OOEP: variants seen among roughly 807,000 people sequenced by gnomAD.
OOEP encodes oocyte-expressed protein homolog.
In OOEP, 16 loss-of-function variants were observed where a neutral mutation model predicts 13.7. The observed-to-expected ratio is 1.16, with a 90% CI of 0.79 to 1.77. The LOEUF (loss-of-function observed/expected upper bound fraction) is 1.77. Ranked by LOEUF, OOEP falls within the 40% of genes most tolerant of loss-of-function variation. The pLI, the probability that OOEP is intolerant of heterozygous loss-of-function variation, is 0.00. For synonymous variants in OOEP, 89 were observed against 77.1 expected (o/e 1.15, Z -0.81); for missense variants, 195 against 193.1 (o/e 1.01, Z -0.06).
At chr6:73,394,582 G>A in intron 1 of OOEP, 1 of 393,366 alleles carries the variant, frequency 2.5e-6, no homozygotes, top group Non-Finnish European at 4.7e-6. Flanking sequence ...TTGGGCGTTT[G>A]GAAAAAGTCC....
intron 2 of OOEP, among the ~76,000 whole-genome samples, chr6:73,378,884 A>G (rs1008974737): frequency 6.6e-6 from 1 of 151,952 alleles, no homozygotes; most frequent in African/African-American, 2.4e-5. Flanking sequence ...AAAAAAAAAA[A>G]TTATTGATTA....
chr6:73,373,039 G>T, upstream of OOEP: 3 of 1,270,558 alleles, frequency 2.4e-6, no homozygotes, highest in Non-Finnish European at 3.4e-6. Flanking sequence ...GACATTTTCA[G>T]CTTGATATGG....
upstream of OOEP, chr6:73,373,243 G>T (rs1185784068): frequency 1.2e-6 from 2 of 1,612,532 alleles, no homozygotes; most frequent in South Asian, 2.2e-5. Context: ...GCTTAATCCT[G>T]AAAGTCTTGT....
intron 2 of OOEP, among the ~76,000 whole-genome samples, chr6:73,390,640 G>A (rs1268275024): frequency 6.8e-6 from 1 of 147,610 alleles, no homozygotes; most frequent in Non-Finnish European, 1.5e-5. Context: ...GTGATGGTGC[G>A]ATCTCGGGTC....
upstream of OOEP, among the ~76,000 whole-genome samples, chr6:73,373,529 C>A (rs891402856): frequency 1.3e-5 from 2 of 152,032 alleles, no homozygotes; most frequent in Non-Finnish European, 2.9e-5. Flanking sequence ...AAATGTTGGA[C>A]TACAGGCATG....
upstream of OOEP, among the ~76,000 whole-genome samples, chr6:73,372,130 T>G (rs1403082931): frequency 6.6e-6 from 1 of 152,132 alleles, no homozygotes; most frequent in African/African-American, 2.4e-5. Flanking sequence ...AATTAAAGCC[T>G]TAATCTAATC....
intron 2 of OOEP, chr6:73,387,600 T>C (rs902222874): frequency 2.0e-5 from 3 of 152,084 alleles, no homozygotes; most frequent in African/African-American, 7.2e-5. Flanking sequence ...ATTCTATTGA[T>C]TGATTGATTG....
chr6:73,393,315 C>T (rs565500400), intron 2 of OOEP, among the ~76,000 whole-genome samples: 1 of 152,164 alleles, frequency 6.6e-6, no homozygotes, highest in South Asian at 2.1e-4. Context: ...TGATGTTGAA[C>T]CTTGGGGCTC....
At chr6:73,369,922 C>T (rs531101447), upstream of OOEP, 21 of 796,056 alleles carry the variant, frequency 2.6e-5, no homozygotes, top group Middle Eastern at 1.3e-3. Context: ...CGCCTCGCAC[C>T]GCGTCGGGGT....
intron 2 of OOEP, among the ~76,000 whole-genome samples, chr6:73,378,301 C>T (rs1769159129): frequency 6.6e-6 from 1 of 151,644 alleles, no homozygotes; most frequent in Non-Finnish European, 1.5e-5. Context: ...GATGGGGTTT[C>T]TTCATGTTGG....
At chr6:73,377,113 A>T (rs1020354484) in intron 2 of OOEP, among the ~76,000 whole-genome samples, 2 of 152,180 alleles carry the variant, frequency 1.3e-5, no homozygotes, top group African/African-American at 4.8e-5. Flanking sequence ...ACAATTAGCT[A>T]GACATATGTG....
intron 2 of OOEP, among the ~76,000 whole-genome samples, chr6:73,387,123 T>C (rs1315212469): frequency 6.6e-6 from 1 of 151,678 alleles, no homozygotes; most frequent in Non-Finnish European, 1.5e-5. Context: ...TATACATATA[T>C]GTATATTTTA....
At chr6:73,380,464 T>C (rs966207066) in intron 2 of OOEP, among the ~76,000 whole-genome samples, 1 of 152,142 alleles carries the variant, frequency 6.6e-6, no homozygotes, top group African/African-American at 2.4e-5. Flanking sequence ...ACCAAATGTC[T>C]ATCTATAATA....
chr6:73,379,825 C>T (rs981738470), intron 2 of OOEP, among the ~76,000 whole-genome samples: 4 of 152,056 alleles, frequency 2.6e-5, no homozygotes, highest in African/African-American at 9.7e-5. Context: ...TGAGCTCAAG[C>T]AGTCTGCCCA....
rs192381145 is a variant in OOEP, at chr6:73,387,929, C to G, written c.25+6417G>C. On this transcript the variant is annotated intron_variant, in intron 2 of 3. Coordinates refer to the OOEP transcript ENST00000370363. Reference sequence around the variant, plus strand: ...TGTTGCCCATGCTGGAGTGCAGTAGCGCAATCTGGGCTGACCTGCAACTTC... The same window carrying G: ...TGTTGCCCATGCTGGAGTGCAGTAGGGCAATCTGGGCTGACCTGCAACTTC... Among the ~76,000 whole-genome samples, 341 of 152,280 alleles carry G rather than the reference C, an allele frequency of 2.2e-3. 5 individuals are homozygous for G. Among genetic ancestry groups the G allele is most frequent in the African/African-American group, 7.8e-3 (326 of 41,550 alleles).
chr6:73,370,243 C>G (rs1028912457), upstream of OOEP, among the ~76,000 whole-genome samples: 7 of 152,152 alleles, frequency 4.6e-5, no homozygotes, highest in African/African-American at 1.7e-4. Flanking sequence ...CCAGGGCAGG[C>G]TTGTTCAATG....
chr6:73,391,601 G>C, intron 2 of OOEP: 1 of 155,360 alleles, frequency 6.4e-6, no homozygotes, highest in Non-Finnish European at 1.4e-5. Flanking sequence ...CTCGTCTGTT[G>C]TCCCCACCAC....
At chr6:73,393,599 G>C (rs1769382085) in intron 2 of OOEP, among the ~76,000 whole-genome samples, 1 of 152,158 alleles carries the variant, frequency 6.6e-6, no homozygotes, top group Non-Finnish European at 1.5e-5. Flanking sequence ...CCTCAACTGT[G>C]TGAGGCCAAG....
At position 73,389,229 on chromosome 6, in the gene OOEP, T is replaced by C. The variant is rs570740303; in HGVS notation, c.25+5117A>G. The stretch of plus-strand genomic sequence containing the variant: ...GAGGTTGAGGCTTGCCGGAGGGAAA[T>C]GGCACCGAGGACCTGGGGCGACTGA... On this transcript the variant is annotated intron_variant, in intron 2 of 3. Transcript: ENST00000370363. Among the ~76,000 whole-genome samples, 25 of 152,088 alleles carry C rather than the reference T, an allele frequency of 1.6e-4. 1 individual carries two copies. The East Asian group carries it at 4.5e-3, about 27-fold the overall frequency.
Sources: allele counts gnomAD v4.1 joint callset (sites outside exome capture counted in the v4.1 genomes callset), GRCh38; gene constraint gnomAD v4.1.1; transcripts MANE v1.5; gene names NCBI Gene and HGNC (gene_info 2026-07-23, HGNC 2026-07-21).